The following FHIT variants were observed in gnomAD, a reference collection of about 807,000 sequenced individuals.
FHIT encodes fragile histidine triad diadenosine triphosphatase, also known as bis(5'-adenosyl)-triphosphatase.
In FHIT, 19 loss-of-function variants were observed where a neutral mutation model predicts 17.9. The ratio of observed to expected loss-of-function variants is 1.06; its 90% CI spans 0.74 to 1.56. The LOEUF is 1.56. FHIT is among the 40% of genes most tolerant of loss of function. The pLI is 0.00. For synonymous variants in FHIT, 81 were observed against 69.7 expected (o/e 1.16, Z -0.81); for missense variants, 248 against 189.2 (o/e 1.31, Z -1.82).
chr3:60,042,895 G>A (rs1319588028), intron 5 of FHIT, among the ~76,000 whole-genome samples: 2 of 152,140 alleles, frequency 1.3e-5, no homozygotes, highest in African/African-American at 4.8e-5. Flanking sequence ...ATATTTCAAA[G>A]AGGAAAGGTA....
chr3:60,633,826 A>G (rs1195531297), intron 4 of FHIT, among the ~76,000 whole-genome samples: 6 of 152,150 alleles, frequency 3.9e-5, no homozygotes, highest in African/African-American at 1.4e-4. Context: ...ATTTAACCAC[A>G]AGCCACAGAG....
chr3:59,941,405 T>C (rs181098350), intron 7 of FHIT, among the ~76,000 whole-genome samples: 1 of 152,122 alleles, frequency 6.6e-6, no homozygotes, highest in African/African-American at 2.4e-5. Context: ...CTCCTGAAAA[T>C]TGCTCTACAT....
intron 5 of FHIT, among the ~76,000 whole-genome samples, chr3:60,339,542 G>A (rs941563744): frequency 2.6e-5 from 4 of 152,110 alleles, no homozygotes; most frequent in Non-Finnish European, 4.4e-5. Context: ...TCAGAGGGAC[G>A]CGAGCCGATC....
Position 59,922,360 on chromosome 3 carries a change from TG to T in FHIT, c.333del (p.Asp111GlufsTer68). ...AACAGACCCACCTCCTCATAGATGC[TG>T]TCATTCCTGTGAAAGTCTCCAGCCT... The part of the protein sequence containing the change: ...PRKAGDFHRN[D>X]SIYEELQKHD... On this transcript the variant is annotated frameshift_variant, in exon 8 of 10. Coordinates refer to ENST00000492590, the MANE Select transcript of FHIT (RefSeq NM_002012.4). LOFTEE classifies it high-confidence loss of function. 6.2e-7 allele frequency: 1 copy of T among 1,613,818 alleles called. No individual in the cohort carries two copies. The highest frequency in any genetic ancestry group is 8.5e-7 in the Non-Finnish European group (1 of 1,179,756).
At chr3:60,156,285 G>C (rs1700685881) in intron 5 of FHIT, among the ~76,000 whole-genome samples, 1 of 151,806 alleles carries the variant, frequency 6.6e-6, no homozygotes, top group African/African-American at 2.4e-5. Context: ...GGGAGGCAGA[G>C]GTTGCAGTGA....
chr3:61,024,075 T>G (rs1284569710), intron 3 of FHIT, among the ~76,000 whole-genome samples: 2 of 152,028 alleles, frequency 1.3e-5, no homozygotes, highest in Non-Finnish European at 2.9e-5. Flanking sequence ...AGAAATAACA[T>G]AGTATATTTT....
chr3:59,759,759 G>A (rs1235244310), intron 8 of FHIT, among the ~76,000 whole-genome samples: 1 of 151,924 alleles, frequency 6.6e-6, no homozygotes, highest in Non-Finnish European at 1.5e-5. Flanking sequence ...CTTTGTCTAT[G>A]TGCTGGTTAC....
At chr3:59,883,646 C>G (rs1703498453) in intron 8 of FHIT, among the ~76,000 whole-genome samples, 1 of 152,178 alleles carries the variant, frequency 6.6e-6, no homozygotes, top group African/African-American at 2.4e-5. Flanking sequence ...ATATCAACGT[C>G]TATTGTATCT....
intron 8 of FHIT, among the ~76,000 whole-genome samples, chr3:59,810,513 G>A (rs535081078): frequency 4.6e-5 from 7 of 152,272 alleles, no homozygotes; most frequent in African/African-American, 1.2e-4. Flanking sequence ...TTACAATAGC[G>A]GTAGAATAAG....
intron 5 of FHIT, among the ~76,000 whole-genome samples, chr3:60,509,144 G>A (rs1341173446): frequency 6.6e-6 from 1 of 152,138 alleles, no homozygotes; most frequent in South Asian, 2.1e-4. Flanking sequence ...TCCAGGACAG[G>A]CCAAACAGAT....
At position 60,090,873 on chromosome 3, in the gene FHIT, T is replaced by C. The variant is rs760062971; in HGVS notation, c.104-76721A>G. On this transcript the variant is annotated intron_variant, in intron 5 of 9. Coordinates refer to ENST00000492590, the MANE Select transcript of FHIT (RefSeq NM_002012.4). ...TGTTGTCTGAGCTCTGGGGTCGGGG[T>C]AAGGTCCGCAAGGTGGAAGTGAAGG... Among the ~76,000 whole-genome samples the C allele has an allele frequency of 7.8e-4, 118 of 151,984 alleles. 2 individuals are homozygous for C. The highest frequency in any genetic ancestry group is 9.2e-4 in the Admixed American group (14 of 15,240).
chr3:60,500,497 C>T (rs1053222027), intron 5 of FHIT, among the ~76,000 whole-genome samples: 3 of 151,930 alleles, frequency 2.0e-5, no homozygotes, highest in African/African-American at 4.8e-5. Context: ...TGGCTGGGCA[C>T]GGTGGCTCAC....
At chr3:61,075,955 A>T (rs2106757306) in intron 2 of FHIT, among the ~76,000 whole-genome samples, 1 of 152,348 alleles carries the variant, frequency 6.6e-6, no homozygotes, top group South Asian at 2.1e-4. Context: ...GAGTGCTTCC[A>T]ATGTGGTAAG....
intron 7 of FHIT, among the ~76,000 whole-genome samples, chr3:59,935,795 T>C (rs750902534): frequency 2.0e-5 from 3 of 151,970 alleles, no homozygotes; most frequent in African/African-American, 4.8e-5. Flanking sequence ...GGTTAAAAAA[T>C]AGACAACTAC....
At chr3:60,640,081 C>T (rs2039688744) in intron 4 of FHIT, among the ~76,000 whole-genome samples, 1 of 152,244 alleles carries the variant, frequency 6.6e-6, no homozygotes, top group South Asian at 2.1e-4. Context: ...AATGCAAAAT[C>T]ACCGCTAGTG....
chr3:61,203,988 A>G (rs2039120606), intron 1 of FHIT, among the ~76,000 whole-genome samples: 1 of 152,248 alleles, frequency 6.6e-6, no homozygotes, highest in Non-Finnish European at 1.5e-5. Context: ...TTTTTTACAT[A>G]TTCTTAGAAT....
intron 3 of FHIT, among the ~76,000 whole-genome samples, chr3:60,970,244 T>G (rs1187244381): frequency 6.6e-6 from 1 of 152,214 alleles, no homozygotes; most frequent in Non-Finnish European, 1.5e-5. Context: ...TTTCAAATAT[T>G]TTGAGACCAT....
At chr3:59,819,798 C>A (rs1273349133) in intron 8 of FHIT, among the ~76,000 whole-genome samples, 1 of 152,144 alleles carries the variant, frequency 6.6e-6, no homozygotes, top group East Asian at 1.9e-4. Flanking sequence ...AACTTAAGAC[C>A]CAATGTGACA....
chr3:61,163,212 C>CA (rs1187713592), intron 2 of FHIT, among the ~76,000 whole-genome samples: 1 of 152,140 alleles, frequency 6.6e-6, no homozygotes, highest in African/African-American at 2.4e-5. Context: ...TTATAGCCTC[C>CA]ATAAACAAGC....
Sources: allele counts gnomAD v4.1 joint callset (sites outside exome capture counted in the v4.1 genomes callset), GRCh38; gene constraint gnomAD v4.1.1; transcripts MANE v1.5; gene names NCBI Gene and HGNC (gene_info 2026-07-23, HGNC 2026-07-21).